Variants in DOCK5 observed in about 807,000 individuals in gnomAD.
DOCK5 encodes dedicator of cytokinesis 5.
A neutral mutation model predicts 251.8 loss-of-function variants in DOCK5; 142 were observed. The ratio of observed to expected loss-of-function variants is 0.56; its 90% CI spans 0.49 to 0.65. DOCK5 has a LOEUF of 0.65. Ranked by LOEUF, DOCK5 falls within the 30% of genes least tolerant of loss-of-function variation. DOCK5 has a pLI of 0.00. For missense variants in DOCK5, 2,111 were observed against 2,312.3 expected, an observed-to-expected ratio of 0.91 and a Z score of 1.79; for synonymous variants, 842 against 835.5, an observed-to-expected ratio of 1.01 and a Z score of -0.13.
chr8:25,415,685 A>T lies in DOCK5; in HGVS notation c.*4387A>T, dbSNP rs1021867853. 6.6e-6 allele frequency: 1 copy of T among 152,220 alleles called. No homozygotes were observed. The highest frequency in any genetic ancestry group is 1.5e-5 in the Non-Finnish European group (1 of 68,030). 9.4% of individuals were successfully genotyped at this position (152,220 alleles called of 1,614,324 possible). A position where few individuals can be genotyped will look rare whatever the true frequency, so the allele number is the denominator to read the frequency against. ...TCAGATTTGCTGTTATTTATTTTTT[A>T]AATTAAAAATGGAAATGTATTTTAA... On this transcript the variant is annotated 3_prime_UTR_variant, in exon 52 of 52. Transcript: ENST00000276440.
chr8:25,228,183 T>C (rs1371308247), intron 1 of DOCK5, among the ~76,000 whole-genome samples: 1 of 152,234 alleles, frequency 6.6e-6, no homozygotes, highest in Non-Finnish European at 1.5e-5. Flanking sequence ...GGCCATTTTC[T>C]GTGTTTTTGA....
At chr8:25,401,145 C>A (rs1048022679) in intron 47 of DOCK5, 79 bp downstream of exon 47, 2 of 1,562,534 alleles carry the variant, frequency 1.3e-6, no homozygotes, top group Admixed American at 1.8e-5. Flanking sequence ...TTTTCAGATG[C>A]CAAGTGAGTT....
chr8:25,362,237 CCAT>C (rs1800696078), intron 28 of DOCK5, among the ~76,000 whole-genome samples: 1 of 152,086 alleles, frequency 6.6e-6, no homozygotes. Context: ...CCTTTTCTAA[CCAT>C]AATAAAGGAG....
In DOCK5 at chr8:25,401,006, G is replaced by A. The variant is rs768863567; in HGVS notation, c.4866G>A (p.Leu1622=). ...AGCTGAAGCCGCTGCATGAGCGGTT[G>A]TCTTCTTGCTTCCGGGAACTCAAGG... is the stretch of plus-strand genomic sequence containing the variant. ...TEQLKPLHER[L]SSCFRELKEK... is the part of the protein sequence containing the mutation. Residue 1622 remains leucine, a synonymous_variant, in exon 47 of 52, where the codon TTG becomes TTA. Transcript: ENST00000276440. The A allele has an allele frequency of 6.2e-7, 1 of 1,614,046 alleles. No homozygotes were observed. The highest frequency in any genetic ancestry group is 1.3e-5 in the African/African-American group (1 of 75,054).
intron 37 of DOCK5, chr8:25,375,901 C>T (rs1800954245): frequency 2.4e-6 from 2 of 850,140 alleles, no homozygotes; most frequent in Non-Finnish European, 2.8e-6. Context: ...AGTTCAAGAC[C>T]AGCCTGGCTA....
At chr8:25,333,123 G>C (rs368589182) in intron 20 of DOCK5, among the ~76,000 whole-genome samples, 1 of 152,140 alleles carries the variant, frequency 6.6e-6, no homozygotes. Context: ...TGAATTTGTC[G>C]CACAAAGCAC....
chr8:25,246,919 C>T (rs898650841), intron 2 of DOCK5, among the ~76,000 whole-genome samples: 8 of 151,714 alleles, frequency 5.3e-5, no homozygotes, highest in African/African-American at 1.9e-4. Context: ...CAGGGCCTTG[C>T]TCTGTCACCC....
chr8:25,384,701 C>G (rs1801133825), intron 40 of DOCK5, among the ~76,000 whole-genome samples: 1 of 151,822 alleles, frequency 6.6e-6, no homozygotes, highest in Non-Finnish European at 1.5e-5. Flanking sequence ...CTCAGTTGAT[C>G]CCCCTGCCTC....
chr8:25,290,951 G>A (rs1035244556), intron 5 of DOCK5, among the ~76,000 whole-genome samples: 1 of 152,208 alleles, frequency 6.6e-6, no homozygotes, highest in Non-Finnish European at 1.5e-5. Flanking sequence ...GAAAAGGATA[G>A]GGGTGGGGTA....
intron 1 of DOCK5, among the ~76,000 whole-genome samples, chr8:25,238,321 A>G (rs1802853227): frequency 6.6e-6 from 1 of 152,234 alleles, no homozygotes; most frequent in African/African-American, 2.4e-5. Context: ...CAGCTTCCGC[A>G]TTAAATAATG....
In DOCK5 at chr8:25,214,137, A is replaced by C. The variant is rs568495526; in HGVS notation, c.43+29186A>C. ...CAGAAAGCAAAGGCATCACTCTCTC[A>C]TGGCAACGCTCTAACAGTTTCAGAT... is the stretch of plus-strand genomic sequence containing the variant. On this transcript the variant is annotated intron_variant, in intron 1 of 51. Transcript: ENST00000276440. Among the ~76,000 whole-genome samples the C allele has an allele frequency of 7.9e-5, 12 of 152,270 alleles. No homozygotes were observed. The East Asian group carries it at 2.3e-3, about 29-fold the overall frequency.
In DOCK5 at chr8:25,210,528, C is replaced by T. The variant is rs543136796; in HGVS notation, c.43+25577C>T. Among the ~76,000 whole-genome samples, 5 of 69,052 alleles carry T rather than the reference C, an allele frequency of 7.2e-5. 2 individuals are homozygous for T. The highest frequency in any genetic ancestry group is 1.6e-4 in the African/African-American group (5 of 30,508). 45.3% of individuals were successfully genotyped at this position (69,052 alleles called of 152,430 possible). A position where few individuals can be genotyped will look rare whatever the true frequency, so the allele number is the denominator to read the frequency against. On this transcript the variant is annotated intron_variant, in intron 1 of 51. Transcript: ENST00000276440. ...CTGTCATCCCAGCATTTTGGGAGGC[C>T]AAGGTGGATGGATCAGTTGAGGCCA...
intron 22 of DOCK5, among the ~76,000 whole-genome samples, chr8:25,339,680 G>A (rs1805902575): frequency 1.3e-5 from 2 of 152,238 alleles, no homozygotes; most frequent in South Asian, 4.1e-4. Context: ...GTGGATGCGT[G>A]AGGAGTAACG....
chr8:25,400,576 T>C (rs1008821786), intron 46 of DOCK5, among the ~76,000 whole-genome samples: 1 of 151,936 alleles, frequency 6.6e-6, no homozygotes, highest in African/African-American at 2.4e-5. Context: ...CTCATTTTTT[T>C]CTCTCAAGAC....
intron 13 of DOCK5, among the ~76,000 whole-genome samples, chr8:25,312,212 GA>G (rs1203547735): frequency 1.2e-4 from 18 of 148,652 alleles, no homozygotes; most frequent in East Asian, 3.9e-4. Flanking sequence ...TCTTGTTAAG[GA>G]AAAAAAAAAT....
chr8:25,335,072 A>T (rs892508762), intron 21 of DOCK5, among the ~76,000 whole-genome samples: 1 of 152,170 alleles, frequency 6.6e-6, no homozygotes, highest in Non-Finnish European at 1.5e-5. Context: ...TCACCATGGC[A>T]TTGTGTGTGC....
At chr8:25,264,961 T>G (rs1386671051) in intron 2 of DOCK5, among the ~76,000 whole-genome samples, 1 of 152,168 alleles carries the variant, frequency 6.6e-6, no homozygotes, top group East Asian at 1.9e-4. Context: ...TAATTAATCT[T>G]GGCTACACAT....
At chr8:25,388,086 C>T (rs1323651310) in intron 40 of DOCK5, among the ~76,000 whole-genome samples, 2 of 152,140 alleles carry the variant, frequency 1.3e-5, no homozygotes, top group African/African-American at 2.4e-5. Flanking sequence ...TCAGTGTTTG[C>T]CTGGAAAGTG....
Position 25,336,341 on chromosome 8 carries a change from A to T in DOCK5, c.2295A>T (p.Arg765Ser), listed in dbSNP as rs778000439. The T allele has an allele frequency of 6.2e-7, 1 of 1,613,946 alleles. No individual in the cohort carries two copies. The highest frequency in any genetic ancestry group is 1.1e-5 in the South Asian group (1 of 91,074). Residue 765 changes from arginine to serine, a missense_variant, in exon 22 of 52, where the codon AGA becomes AGT. Arg to Ser is a moderately radical substitution (Grantham distance 110). This residue lies in a region of DOCK5 where 1,717 missense variants were observed against 1,892.4 expected (regional missense o/e 0.91). Transcript: ENST00000276440. ...AALKALKYLFRFIIQSRVLYL... is the reference protein window; with the variant it reads ...AALKALKYLFSFIIQSRVLYL... Reference sequence around the variant, plus strand: ...TGAAAGCCTTGAAGTACTTGTTTAGATTCATCATCCAATCCCGAGTGCTCT... The same window carrying T: ...TGAAAGCCTTGAAGTACTTGTTTAGTTTCATCATCCAATCCCGAGTGCTCT...
Sources: gnomAD v4.1 joint callset for allele counts (sites outside exome capture counted in the v4.1 genomes callset) on GRCh38, gnomAD v4.1.1 for gene constraint, gnomAD v4.1.1 regional missense constraint, MANE v1.5 for transcripts, NCBI Gene and HGNC (gene_info 2026-07-23, HGNC 2026-07-21) for gene names.